Variants in DNAH9 observed in about 807,000 individuals in gnomAD.
The protein encoded by DNAH9 is DNAH9 variant protein.
Under a neutral mutation model 471.6 loss-of-function variants are expected in DNAH9, and 345 were observed. The ratio of observed to expected loss-of-function variants is 0.73; its 90% confidence interval spans 0.67 to 0.80. The LOEUF is 0.80. Ranked by LOEUF, DNAH9 falls within the 30% of genes least tolerant of loss-of-function variation. The probability of loss-of-function intolerance (pLI) is 0.00; values close to 1 mark genes in which losing one functional copy is unlikely to be tolerated. For synonymous variants in DNAH9, 2,093 were observed against 2,123.6 expected (o/e 0.99, Z 0.40); for missense variants, 5,407 against 5,609.2 (o/e 0.96, Z 1.15).
chr17:11,645,448 A>G (rs1202287747), intron 11 of DNAH9, among the ~76,000 whole-genome samples: 3 of 152,094 alleles, frequency 2.0e-5, no homozygotes, highest in Non-Finnish European at 4.4e-5. Context: ...TGGCTTCCTA[A>G]CAGTCCTTGC....
intron 50 of DNAH9, among the ~76,000 whole-genome samples, chr17:11,855,633 ACTCGAGAC>A (rs1191628338): frequency 6.6e-6 from 1 of 152,166 alleles, no homozygotes; most frequent in Non-Finnish European, 1.5e-5. Context: ...CTGTCCTGTG[ACTCGAGAC>A]CTATAATCAC....
At chr17:11,861,630 C>T (rs1971852238) in intron 50 of DNAH9, among the ~76,000 whole-genome samples, 1 of 150,518 alleles carries the variant, frequency 6.6e-6, no homozygotes, top group Non-Finnish European at 1.5e-5. Context: ...AACTAGTTTA[C>T]AGTCCCACCA....
chr17:11,633,301 C>T (rs2073102749), intron 8 of DNAH9, among the ~76,000 whole-genome samples: 3 of 152,178 alleles, frequency 2.0e-5, no homozygotes, highest in Admixed American at 2.0e-4. Context: ...TTCTGTAAAG[C>T]TTTAAGGGTT....
chr17:11,834,328 C>CAAAAAAAAA (rs762924565), intron 48 of DNAH9, among the ~76,000 whole-genome samples: 1 of 77,780 alleles, frequency 1.3e-5, no homozygotes, highest in Non-Finnish European at 2.3e-5. Context: ...GACTCCGTCT[C>CAAAAAAAAA]AAAAAAAAAA....
Position 11,626,145 on chromosome 17 carries a change from C to T in DNAH9, c.1351-3272C>T, listed in dbSNP as rs1347603754. On this transcript the variant is annotated intron_variant, in intron 6 of 68. Coordinates refer to ENST00000262442, the MANE Select transcript of DNAH9 (RefSeq NM_001372.4). This position sits in a 1 kb window ranked among gnomAD's most constrained non-coding sequence, Gnocchi z 4.3. ...CTTTCCACAATGCCATATGTTGTGT[C>T]TCTGAAGTGGATATTTCAGCCGGTG... Among the ~76,000 whole-genome samples the T allele has an allele frequency of 2.0e-5, 3 of 152,078 alleles. No homozygotes were observed. The highest frequency in any genetic ancestry group is 7.2e-5 in the African/African-American group (3 of 41,414).
intron 28 of DNAH9, among the ~76,000 whole-genome samples, chr17:11,729,008 G>T (rs2075209100): frequency 6.6e-6 from 1 of 152,152 alleles, no homozygotes; most frequent in African/African-American, 2.4e-5. Flanking sequence ...AGAAAATAAG[G>T]CCAGAGAGAC....
At position 11,784,867 on chromosome 17, in the gene DNAH9, AAAAG is replaced by A. The variant is rs1237949469; in HGVS notation, c.8061+340_8061+343del. On this transcript the variant is annotated intron_variant, in intron 41 of 68. Coordinates refer to ENST00000262442, the MANE Select transcript of DNAH9 (RefSeq NM_001372.4). ...GTATGCCTGGGAAGAAAAATGGCCC[AAAAG>A]AAAGAAAGAAAACTATTTTGGATCT... Among the ~76,000 whole-genome samples the A allele has an allele frequency of 6.0e-5, 9 of 150,010 alleles. No individual in the cohort carries two copies. The East Asian group carries it at 1.2e-3, about 19-fold the overall frequency.
At chr17:11,926,034 T>TG (rs200546681) in intron 62 of DNAH9, among the ~76,000 whole-genome samples, 31 of 23,458 alleles carry the variant, frequency 1.3e-3, no homozygotes, top group African/African-American at 4.2e-3. Flanking sequence ...AGAGATTCTC[T>TG]GAAAAAAAAA....
rs1308073108 is a variant in DNAH9, at chr17:11,699,812, A to G, written c.4954A>G (p.Thr1652Ala). Residue 1652 changes from threonine (T) to alanine (A), a missense_variant, in exon 23 of 69, where the codon ACA (threonine) becomes GCA (alanine). Thr to Ala is a moderately conservative substitution (Grantham distance 58). This residue lies in a region of DNAH9 where 4,636 missense variants were observed against 4,900.3 expected (regional missense o/e 0.95). Coordinates refer to ENST00000262442, the MANE Select transcript of DNAH9 (RefSeq NM_001372.4). ...QLDASGEPTK[T>A]SLGMYSKEEE... ...AGATGCCAGTGGGGAACCAACCAAGACAAGCCTCGGCATGTACAGCAAAGA... is the reference window on the plus strand; with the variant it reads ...AGATGCCAGTGGGGAACCAACCAAGGCAAGCCTCGGCATGTACAGCAAAGA... 2 of 1,614,100 alleles carry G rather than the reference A, an allele frequency of 1.2e-6. No homozygotes were observed. The highest frequency in any genetic ancestry group is 1.7e-6 in the Non-Finnish European group (2 of 1,180,024).
chr17:11,941,067 T>G (rs374525611), intron 66 of DNAH9, among the ~76,000 whole-genome samples: 1 of 152,166 alleles, frequency 6.6e-6, no homozygotes, highest in Non-Finnish European at 1.5e-5. Context: ...CAGTGGTTCC[T>G]TGGATTCCAG....
intron 49 of DNAH9, among the ~76,000 whole-genome samples, chr17:11,845,079 T>C (rs866866236): frequency 8.6e-5 from 13 of 151,686 alleles, no homozygotes; most frequent in African/African-American, 2.7e-4. Flanking sequence ...TATGTATACA[T>C]GTGCCATGCT....
intron 49 of DNAH9, among the ~76,000 whole-genome samples, chr17:11,841,676 T>C (rs545961234): frequency 6.6e-6 from 1 of 152,226 alleles, no homozygotes; most frequent in South Asian, 2.1e-4. Flanking sequence ...AACAGAACTG[T>C]TTTAGGATAA....
At chr17:11,818,428 T>TAAA (rs1555602557) in intron 45 of DNAH9, among the ~76,000 whole-genome samples, 2 of 139,894 alleles carry the variant, frequency 1.4e-5, no homozygotes, top group Admixed American at 7.2e-5. Context: ...ACTCCGTATT[T>TAAA]AAAAAAAAAA....
chr17:11,902,351 T>G (rs150875336), intron 59 of DNAH9, among the ~76,000 whole-genome samples: 136 of 152,244 alleles, frequency 8.9e-4, no homozygotes, highest in Middle Eastern at 3.4e-3. Context: ...AGAGTGAGTT[T>G]GAGGAGGAAA....
intron 12 of DNAH9, among the ~76,000 whole-genome samples, chr17:11,649,855 C>T (rs1391955539): frequency 1.3e-5 from 2 of 152,194 alleles, no homozygotes; most frequent in Non-Finnish European, 2.9e-5. Context: ...AGTACCCTCT[C>T]TTCCTGTGAA....
At chr17:11,811,227 C>T (rs576160734) in intron 45 of DNAH9, among the ~76,000 whole-genome samples, 5 of 152,034 alleles carry the variant, frequency 3.3e-5, no homozygotes, top group South Asian at 4.2e-4. Flanking sequence ...GCAGGAGAAT[C>T]GCTTGAACCT....
intron 14 of DNAH9, among the ~76,000 whole-genome samples, chr17:11,657,100 G>A (rs2073666706): frequency 6.6e-6 from 1 of 152,084 alleles, no homozygotes. Flanking sequence ...GAACTGCAGG[G>A]TCATCAGTAG....
rs557239405 is a variant in DNAH9 at position 11,871,509 on chromosome 17, G to A, written c.10054-89G>A. 198 of 1,177,042 alleles carry A rather than the reference G, an allele frequency of 1.7e-4. 2 individuals carry two copies. The highest frequency in any genetic ancestry group is 1.2e-3 in the South Asian group (84 of 72,718). The allele number at this position is 1,177,042 out of a possible 1,614,324, so 72.9% of individuals were successfully genotyped here. A position where few individuals can be genotyped will look rare whatever the true frequency, so the allele number is the denominator to read the frequency against. ...ATTCTGCCTCTTCCCGCTATGAAGCGTGCAGCGGGCGCTCTCCATGATGGA... is the reference window on the plus strand; with the variant it reads ...ATTCTGCCTCTTCCCGCTATGAAGCATGCAGCGGGCGCTCTCCATGATGGA... On this transcript the variant is annotated intron_variant, in intron 51 of 68. Coordinates refer to ENST00000262442, the MANE Select transcript of DNAH9 (RefSeq NM_001372.4).
At chr17:11,631,023 G>A (rs990042146) in intron 7 of DNAH9, among the ~76,000 whole-genome samples, 3 of 152,162 alleles carry the variant, frequency 2.0e-5, no homozygotes, top group Non-Finnish European at 4.4e-5. Context: ...TTTTATTAGT[G>A]ACTTGGGGAG....
Sources: gnomAD v4.1 joint callset for allele counts (sites outside exome capture counted in the v4.1 genomes callset) on GRCh38, gnomAD v4.1.1 for gene constraint, gnomAD v4.1.1 regional missense constraint, Gnocchi (gnomAD v3.1) non-coding constraint, MANE v1.5 for transcripts, NCBI Gene and HGNC (gene_info 2026-07-23, HGNC 2026-07-21) for gene names.